Variants in GABRG3 observed in about 807,000 individuals in gnomAD.
The protein encoded by GABRG3 is gamma-aminobutyric acid type A receptor subunit gamma3.
GABRG3 carries 25 observed loss-of-function variants against 48.8 expected under a neutral mutation model. That is an observed-to-expected ratio of 0.51 (90% CI 0.37 to 0.72). The LOEUF is 0.72. GABRG3 is among the 30% of genes least tolerant of loss of function. The pLI, the probability that GABRG3 is intolerant of heterozygous loss-of-function variation, is 0.00. For synonymous variants in GABRG3, 227 were observed against 217.6 expected (o/e 1.04, Z -0.38); for missense variants, 394 against 577.9 (o/e 0.68, Z 3.26).
intron 3 of GABRG3, chr15:27,271,550 G>C (rs1371410493): frequency 2.2e-6 from 1 of 455,912 alleles, no homozygotes; most frequent in Non-Finnish European, 4.4e-6. Flanking sequence ...CAGAAGCTGG[G>C]GTGAGGGGTA....
chr15:27,417,015 C>A (rs1376737812), intron 5 of GABRG3, among the ~76,000 whole-genome samples: 1 of 152,102 alleles, frequency 6.6e-6, no homozygotes, highest in East Asian at 1.9e-4. Context: ...GTAATCAACC[C>A]CTTAATGGAA....
chr15:27,240,787 T>C (rs1890107658), intron 3 of GABRG3, among the ~76,000 whole-genome samples: 1 of 152,216 alleles, frequency 6.6e-6, no homozygotes, highest in African/African-American at 2.4e-5. Flanking sequence ...TCTATTATTA[T>C]GATAAAATAA....
At chr15:27,048,484 C>T (rs886376141) in intron 3 of GABRG3, among the ~76,000 whole-genome samples, 3 of 152,174 alleles carry the variant, frequency 2.0e-5, no homozygotes, top group African/African-American at 7.2e-5. Flanking sequence ...TGACCTCAGT[C>T]CCTCCATAGG....
At chr15:26,971,658 G>C (rs1451939969) in intron 1 of GABRG3, 70 bp downstream of exon 1, 13 of 1,465,290 alleles carry the variant, frequency 8.9e-6, no homozygotes, top group Non-Finnish European at 1.2e-5. Context: ...GGCGCTGTCT[G>C]CTGGAGTCCC....
chr15:27,387,056 TAG>T (rs1895944470), intron 5 of GABRG3, among the ~76,000 whole-genome samples: 1 of 152,236 alleles, frequency 6.6e-6, no homozygotes, highest in Non-Finnish European at 1.5e-5. Context: ...ATTAATATTA[TAG>T]AGAGTTACTT....
intron 3 of GABRG3, among the ~76,000 whole-genome samples, chr15:27,124,861 A>C (rs919344705): frequency 6.6e-6 from 1 of 152,136 alleles, no homozygotes; most frequent in African/African-American, 2.4e-5. Flanking sequence ...AGCTTGCCCA[A>C]CCTTTTTCTT....
At chr15:27,113,542 A>G (rs994392881) in intron 3 of GABRG3, among the ~76,000 whole-genome samples, 3 of 152,128 alleles carry the variant, frequency 2.0e-5, no homozygotes, top group Admixed American at 1.3e-4. Flanking sequence ...TTTCATGCCT[A>G]TAGAGGATAT....
intron 3 of GABRG3, among the ~76,000 whole-genome samples, chr15:27,064,489 G>A (rs990687116): frequency 2.0e-5 from 3 of 152,148 alleles, no homozygotes; most frequent in Non-Finnish European, 2.9e-5. Context: ...TGGGCTTTCT[G>A]GCCTTTGTCT....
chr15:27,167,205 C>G (rs1007171425), intron 3 of GABRG3, among the ~76,000 whole-genome samples: 2 of 152,182 alleles, frequency 1.3e-5, no homozygotes, highest in Non-Finnish European at 2.9e-5. Flanking sequence ...CCCGAGGTCC[C>G]CTGGGCCTCC....
At chr15:27,300,403 C>G (rs116541524) in intron 3 of GABRG3, among the ~76,000 whole-genome samples, 208 of 152,184 alleles carry the variant, frequency 1.4e-3, no homozygotes, top group African/African-American at 4.6e-3. Context: ...GTCACTCACA[C>G]CTGTAATCCC....
chr15:26,973,062 G>C (rs989497970), intron 1 of GABRG3, among the ~76,000 whole-genome samples: 2 of 152,186 alleles, frequency 1.3e-5, no homozygotes, highest in Non-Finnish European at 2.9e-5. Flanking sequence ...CGCTGAGGCC[G>C]GCAGTCACAT....
intron 5 of GABRG3, among the ~76,000 whole-genome samples, chr15:27,387,986 G>A (rs1475922366): frequency 1.2e-5 from 1 of 86,606 alleles, no homozygotes; most frequent in African/African-American, 4.4e-5. Context: ...AGGAAGGAGG[G>A]AGGGTAAGGA....
intron 3 of GABRG3, among the ~76,000 whole-genome samples, chr15:27,076,318 C>CTTT (rs1230817571): frequency 5.7e-4 from 61 of 106,472 alleles, no homozygotes; most frequent in Middle Eastern, 6.3e-3. Flanking sequence ...AGCCAACTGT[C>CTTT]TTTTTTTTTT....
chr15:27,017,100 C>T (rs575262382), intron 2 of GABRG3, among the ~76,000 whole-genome samples: 3 of 152,066 alleles, frequency 2.0e-5, no homozygotes, highest in African/African-American at 7.2e-5. Flanking sequence ...ATTCCCATGC[C>T]TTTAGGGTTA....
At chr15:27,512,832 A>G (rs1039353302) in intron 6 of GABRG3, among the ~76,000 whole-genome samples, 3 of 152,132 alleles carry the variant, frequency 2.0e-5, no homozygotes, top group African/African-American at 7.2e-5. Context: ...CCCTGCAGGC[A>G]CTATTCATAC....
chr15:27,094,791 A>G (rs968940712), intron 3 of GABRG3, among the ~76,000 whole-genome samples: 3 of 152,210 alleles, frequency 2.0e-5, no homozygotes, highest in Non-Finnish European at 4.4e-5. Flanking sequence ...ACAAATAGAT[A>G]TTTATTGTTA....
rs186886341 is a variant in GABRG3, at chr15:27,102,678, A to G, written c.270+75857A>G. Among the ~76,000 whole-genome samples the G allele has an allele frequency of 4.1e-3, 629 of 152,324 alleles. 4 individuals carry two copies. Among genetic ancestry groups the G allele is most frequent in the Non-Finnish European group, 7.4e-3 (501 of 68,030 alleles). ...CTTCACTAGGTGCTTCAGGAATACG[A>G]TGCTATGGGTTGAATTACAGTATTT... On this transcript the variant is annotated intron_variant, in intron 3 of 9. Transcript: ENST00000615808.
chr15:27,124,181 C>T (rs764484109), intron 3 of GABRG3, among the ~76,000 whole-genome samples: 2 of 152,112 alleles, frequency 1.3e-5, no homozygotes, highest in Non-Finnish European at 2.9e-5. Context: ...TGATTTCTAC[C>T]GAAATAGACA....
chr15:26,973,361 C>T (rs1454848171), intron 1 of GABRG3, among the ~76,000 whole-genome samples: 1 of 152,184 alleles, frequency 6.6e-6, no homozygotes, highest in African/African-American at 2.4e-5. Context: ...CGTTCCCCAG[C>T]TTTCATAATA....
Sources: gnomAD v4.1 joint callset for allele counts (sites outside exome capture counted in the v4.1 genomes callset) on GRCh38, gnomAD v4.1.1 for gene constraint, MANE v1.5 for transcripts, NCBI Gene and HGNC (gene_info 2026-07-23, HGNC 2026-07-21) for gene names.